Variants in CNTN4 observed in about 807,000 individuals in gnomAD.
CNTN4 encodes contactin 4, also known as contactin-4.
A neutral mutation model predicts 122.5 loss-of-function variants in CNTN4; 77 were observed. That is an observed-to-expected ratio of 0.63 (90% CI 0.52 to 0.76). The LOEUF is 0.76. Ranked by LOEUF, CNTN4 falls within the 30% of genes least tolerant of loss-of-function variation. The pLI, the probability that CNTN4 is intolerant of heterozygous loss-of-function variation, is 0.00. For missense variants in CNTN4, 1,256 were observed against 1,259.1 expected, an observed-to-expected ratio of 1.00 and a Z score of 0.04; for synonymous variants, 512 against 447.0, an observed-to-expected ratio of 1.15 and a Z score of -1.83.
chr3:3,034,654 T>C lies in CNTN4; in HGVS notation c.1806T>C (p.Ala602=), dbSNP rs749217388. 2 of 1,614,182 alleles carry C rather than the reference T, an allele frequency of 1.2e-6. No individual in the cohort carries two copies. The highest frequency in any genetic ancestry group is 1.7e-6 in the Non-Finnish European group (2 of 1,180,022). ...IVRGPPGPPE[A]VTIDEITDTT... The stretch of plus-strand genomic sequence containing the variant: ...CAGGTCCTCCAGGTCCCCCAGAGGC[T>C]GTGACAATAGACGAAATCACAGATA... The change falls in exon 17 of 25, where the codon GCT becomes GCC. Residue 602 remains alanine (A), a synonymous_variant. Transcript: ENST00000418658.
At chr3:2,338,855 GTC>G (rs535821445) in intron 2 of CNTN4, among the ~76,000 whole-genome samples, 92 of 152,026 alleles carry the variant, frequency 6.1e-4, no homozygotes, top group African/African-American at 2.1e-3. Flanking sequence ...TTAAGAAATT[GTC>G]TCTTTTATTG....
chr3:3,013,622 G>A (rs1697450847), intron 14 of CNTN4, among the ~76,000 whole-genome samples: 1 of 151,616 alleles, frequency 6.6e-6, no homozygotes, highest in Non-Finnish European at 1.5e-5. Flanking sequence ...AAAGTGTCAG[G>A]TCCTGTTATG....
At chr3:2,412,762 G>T (rs1426354830) in intron 3 of CNTN4, among the ~76,000 whole-genome samples, 1 of 151,988 alleles carries the variant, frequency 6.6e-6, no homozygotes, top group Non-Finnish European at 1.5e-5. Flanking sequence ...GAAAACAAAA[G>T]GTAGAATCGT....
chr3:3,045,399 C>T (rs1574920198), intron 23 of CNTN4, among the ~76,000 whole-genome samples: 1 of 152,206 alleles, frequency 6.6e-6, no homozygotes, highest in Non-Finnish European at 1.5e-5. Context: ...AGACTGACAC[C>T]TCACACAGCC....
intron 3 of CNTN4, chr3:2,362,579 G>T (rs1255812286): frequency 5.4e-6 from 3 of 553,098 alleles, no homozygotes; most frequent in Non-Finnish European, 1.1e-5. Context: ...GAAGACAGCA[G>T]CTTCTTGGAC....
chr3:2,668,475 A>G (rs1469274682), intron 4 of CNTN4, among the ~76,000 whole-genome samples: 2 of 152,156 alleles, frequency 1.3e-5, no homozygotes, highest in Admixed American at 6.5e-5. Flanking sequence ...TTGCTTATCA[A>G]CTTAAGGAGA....
At chr3:3,009,559 G>A (rs929453336) in intron 14 of CNTN4, among the ~76,000 whole-genome samples, 21 of 148,630 alleles carry the variant, frequency 1.4e-4, no homozygotes, top group African/African-American at 2.5e-4. Context: ...TCAGCTTCCC[G>A]AGTAGCTGGG....
chr3:2,991,962 C>T (rs1695098497), intron 14 of CNTN4, among the ~76,000 whole-genome samples: 1 of 152,210 alleles, frequency 6.6e-6, no homozygotes, highest in Non-Finnish European at 1.5e-5. Context: ...GGTCGGGCGT[C>T]AGAACATATC....
rs144143214 is a variant in CNTN4 at position 2,951,066 on chromosome 3, A to G, written c.1358+25287A>G. Among the ~76,000 whole-genome samples, 912 of 152,350 alleles carry G rather than the reference A, an allele frequency of 6.0e-3. 8 individuals carry two copies. Among genetic ancestry groups the G allele is most frequent in the South Asian group, 0.041 (200 of 4,820 alleles). ...TTCAATGGTGATAATAATGGTAACCATCTTAGAAAGGGTTATATGAGGTAA... is the reference window on the plus strand; with the variant it reads ...TTCAATGGTGATAATAATGGTAACCGTCTTAGAAAGGGTTATATGAGGTAA... On this transcript the variant is annotated intron_variant, in intron 13 of 24. Transcript: ENST00000418658.
chr3:3,035,456 C>T (rs182122511), intron 17 of CNTN4, among the ~76,000 whole-genome samples: 329 of 152,262 alleles, frequency 2.2e-3, no homozygotes, highest in African/African-American at 7.6e-3. Context: ...TGGAAAGCAG[C>T]GGATTCTGCC....
chr3:2,137,403 C>T (rs565390018), intron 2 of CNTN4, among the ~76,000 whole-genome samples: 1 of 152,182 alleles, frequency 6.6e-6, no homozygotes, highest in East Asian at 1.9e-4. Context: ...AAGACAGAAA[C>T]CACTTATTCT....
intron 6 of CNTN4, among the ~76,000 whole-genome samples, chr3:2,759,675 T>A (rs909107183): frequency 4.0e-5 from 6 of 150,778 alleles, no homozygotes. Context: ...ACTGTATGTT[T>A]AACATACAGT....
chr3:2,653,111 A>G (rs1025871525), intron 4 of CNTN4, among the ~76,000 whole-genome samples: 6 of 152,148 alleles, frequency 3.9e-5, no homozygotes, highest in Non-Finnish European at 5.9e-5. Context: ...TCAGTTCTCT[A>G]TCATTTTTAA....
At chr3:2,803,467 A>G (rs977289734) in intron 6 of CNTN4, among the ~76,000 whole-genome samples, 8 of 152,138 alleles carry the variant, frequency 5.3e-5, no homozygotes, top group African/African-American at 1.7e-4. Context: ...GGCTTTTTAT[A>G]TCAGTTTAGT....
At chr3:3,016,384 G>A (rs1448007486) in intron 14 of CNTN4, among the ~76,000 whole-genome samples, 2 of 152,084 alleles carry the variant, frequency 1.3e-5, no homozygotes, top group African/African-American at 4.8e-5. Flanking sequence ...GGGAAGCTTA[G>A]GCACCTGCAG....
At chr3:2,710,398 G>A (rs191378879) in intron 4 of CNTN4, among the ~76,000 whole-genome samples, 1 of 152,280 alleles carries the variant, frequency 6.6e-6, no homozygotes, top group East Asian at 1.9e-4. Flanking sequence ...GGCTTTTGTT[G>A]TATTTTAATA....
chr3:2,352,933 A>G (rs541170964), intron 3 of CNTN4, among the ~76,000 whole-genome samples: 7 of 152,096 alleles, frequency 4.6e-5, no homozygotes, highest in African/African-American at 1.7e-4. Flanking sequence ...AAATGCACCA[A>G]TCAGTGCTCT....
At position 2,612,304 on chromosome 3, in the gene CNTN4, C is replaced by A. The variant is rs564323526; in HGVS notation, c.55+40746C>A. Among the ~76,000 whole-genome samples the A allele has an allele frequency of 9.9e-5, 15 of 152,202 alleles. No homozygotes were observed. The South Asian group carries it at 3.1e-3, about 32-fold the overall frequency. ...AACATAATGAGATCACTTACCTAGC[C>A]TACATTGGTCAAAATCATCTAACAT... On this transcript the variant is annotated intron_variant, in intron 4 of 24. Coordinates refer to ENST00000418658, the MANE Select transcript of CNTN4 (RefSeq NM_175607.3).
chr3:2,637,572 G>C (rs1451996878), intron 4 of CNTN4, among the ~76,000 whole-genome samples: 1 of 152,070 alleles, frequency 6.6e-6, no homozygotes, highest in Non-Finnish European at 1.5e-5. Context: ...CCCCGTGATT[G>C]GTCCCTGCCT....
Sources: allele counts gnomAD v4.1 joint callset (sites outside exome capture counted in the v4.1 genomes callset), GRCh38; gene constraint gnomAD v4.1.1; transcripts MANE v1.5; gene names NCBI Gene and HGNC (gene_info 2026-07-23, HGNC 2026-07-21).